The following HCN1 variants were observed in gnomAD, a reference collection of about 807,000 sequenced individuals.
The protein encoded by HCN1 is potassium/sodium hyperpolarization-activated cyclic nucleotide-gated channel 1.
A neutral mutation model predicts 78.9 loss-of-function variants in HCN1; 13 were observed. That is an observed-to-expected ratio of 0.16 (90% CI 0.11 to 0.26). The LOEUF is 0.26. Ranked by LOEUF, HCN1 falls within the 10% of genes least tolerant of loss-of-function variation. HCN1 has a pLI of 1.00. For missense variants in HCN1, 810 were observed against 1,154.3 expected (o/e 0.70, Z 4.32); for synonymous variants, 552 against 455.5 (o/e 1.21, Z -2.70).
chr5:45,343,688 G>T (rs752738408), intron 5 of HCN1, among the ~76,000 whole-genome samples: 1 of 152,002 alleles, frequency 6.6e-6, no homozygotes, highest in African/African-American at 2.4e-5. Context: ...GGGTGCAGGG[G>T]ATATCATTTA....
chr5:45,537,523 CTTTTTTTT>C (rs71000638), intron 2 of HCN1, among the ~76,000 whole-genome samples: 173 of 25,686 alleles, frequency 6.7e-3, no homozygotes, highest in African/African-American at 0.027. Flanking sequence ...AACTCTAAGT[CTTTTTTTT>C]TTTTTTTTTT....
rs1739995193 is a variant in HCN1 at position 45,695,702 on chromosome 5, C to T, written c.392G>A (p.Gly131Asp). The T allele has an allele frequency of 6.2e-7, 1 of 1,612,414 alleles. No individual in the cohort carries two copies. The highest frequency in any genetic ancestry group is 1.3e-5 in the African/African-American group (1 of 74,892). ...EKEQERVKTA[G>D]FWIIHPYSDF... Reference sequence around the variant, plus strand: ...ACTGTAAGGGTGGATAATCCAGAAGCCTGCAGTTTTAACCCTTTCCTGCTC... The same window carrying T: ...ACTGTAAGGGTGGATAATCCAGAAGTCTGCAGTTTTAACCCTTTCCTGCTC... Residue 131 changes from glycine to aspartate, a missense_variant, in exon 1 of 8, where the codon GGC (glycine) becomes GAC (aspartate). By Grantham distance (94) the Gly-to-Asp change is moderately conservative (BLOSUM62 -1). Around this residue, in one of 6 missense-constraint regions of HCN1, gnomAD observed 104 missense variants for 402.8 expected, o/e 0.26. Transcript: ENST00000303230.
intron 4 of HCN1, among the ~76,000 whole-genome samples, chr5:45,353,662 T>A (rs1319332884): frequency 6.6e-6 from 1 of 152,060 alleles, no homozygotes; most frequent in Non-Finnish European, 1.5e-5. Flanking sequence ...ATAGGTTTTA[T>A]CTTAGGCTTT....
At chr5:45,476,584 T>TG (rs1741520296) in intron 2 of HCN1, among the ~76,000 whole-genome samples, 3 of 152,296 alleles carry the variant, frequency 2.0e-5, no homozygotes, top group South Asian at 4.1e-4. Flanking sequence ...AAACCTTCCC[T>TG]GCATGCTTTG....
At chr5:45,437,748 T>A (rs1041600546) in intron 3 of HCN1, among the ~76,000 whole-genome samples, 9 of 152,234 alleles carry the variant, frequency 5.9e-5, no homozygotes, top group African/African-American at 2.2e-4. Flanking sequence ...TATTGCTGTA[T>A]AACAAGTTAC....
At chr5:45,363,984 C>T (rs1175885491) in intron 4 of HCN1, among the ~76,000 whole-genome samples, 1 of 152,058 alleles carries the variant, frequency 6.6e-6, no homozygotes, top group East Asian at 1.9e-4. Context: ...AGTTCTTCCT[C>T]AGTAAATTAC....
At chr5:45,591,230 C>A (rs1413830255) in intron 2 of HCN1, among the ~76,000 whole-genome samples, 1 of 152,126 alleles carries the variant, frequency 6.6e-6, no homozygotes, top group Non-Finnish European at 1.5e-5. Context: ...CTGTTATAAA[C>A]ATTTGTGTGC....
intron 2 of HCN1, among the ~76,000 whole-genome samples, chr5:45,504,926 C>T (rs1392695605): frequency 2.9e-4 from 44 of 152,170 alleles, no homozygotes; most frequent in African/African-American, 2.6e-4. Context: ...TCATATCCTT[C>T]GCCCACTTTT....
rs377282421 is a variant in HCN1, at chr5:45,439,512, C to T, written c.1011+22334G>A. ...AAGTGTAATGAATGATGGGTTAAAA[C>T]GGCAAAGACTGTAAATTAATGTTAT... On this transcript the variant is annotated intron_variant, in intron 3 of 7. Transcript: ENST00000303230. Among the ~76,000 whole-genome samples, 64 of 152,118 alleles carry T rather than the reference C, an allele frequency of 4.2e-4. No individual in the cohort carries two copies. In the East Asian group the frequency reaches 9.5e-3, roughly 22 times the overall value.
chr5:45,547,630 T>C (rs904543460), intron 2 of HCN1, among the ~76,000 whole-genome samples: 4 of 151,954 alleles, frequency 2.6e-5, no homozygotes, highest in South Asian at 2.1e-4. Flanking sequence ...TCAATGTATA[T>C]TAAAATGTAT....
At chr5:45,614,054 A>G (rs1174704853) in intron 2 of HCN1, among the ~76,000 whole-genome samples, 3 of 152,270 alleles carry the variant, frequency 2.0e-5, no homozygotes, top group African/African-American at 7.2e-5. Context: ...ATGATGTACC[A>G]ATGGCTCCCC....
Position 45,319,211 on chromosome 5 carries a change from C to A in HCN1, c.1378-15372G>T, listed in dbSNP as rs568093562. Among the ~76,000 whole-genome samples the A allele has an allele frequency of 3.3e-5, 5 of 152,014 alleles. No homozygotes were observed. The South Asian group carries it at 6.2e-4, about 19-fold the overall frequency. On this transcript the variant is annotated intron_variant, in intron 5 of 7. Transcript: ENST00000303230. ...TGCACTGATTTGGCTTGAGTGTACACCATATATTGGAATTTCTGGGTAATA... is the reference window on the plus strand; with the variant it reads ...TGCACTGATTTGGCTTGAGTGTACAACATATATTGGAATTTCTGGGTAATA...
intron 6 of HCN1, among the ~76,000 whole-genome samples, chr5:45,267,459 GT>G (rs200522015): frequency 8.2e-5 from 12 of 145,918 alleles, no homozygotes; most frequent in Admixed American, 5.4e-4. Flanking sequence ...GTTTTGTTTT[GT>G]TTTAAAAAAA....
chr5:45,292,595 A>C (rs1221844231), intron 6 of HCN1, among the ~76,000 whole-genome samples: 6 of 152,012 alleles, frequency 3.9e-5, no homozygotes, highest in African/African-American at 1.2e-4. Flanking sequence ...TGTTTCATTA[A>C]GTTTAGATTG....
At chr5:45,351,924 TGGC>T (rs760456973) in intron 5 of HCN1, among the ~76,000 whole-genome samples, 38 of 152,286 alleles carry the variant, frequency 2.5e-4, no homozygotes, top group Non-Finnish European at 5.1e-4. Flanking sequence ...TTTACACTGT[TGGC>T]GGGACTGTAA....
chr5:45,305,939 G>C (rs552031774), intron 5 of HCN1, among the ~76,000 whole-genome samples: 1 of 152,038 alleles, frequency 6.6e-6, no homozygotes, highest in Non-Finnish European at 1.5e-5. Flanking sequence ...TTTTCTCGTT[G>C]GGAGATGGTT....
Position 45,549,306 on chromosome 5 carries a change from C to T in HCN1, c.850-87299G>A, listed in dbSNP as rs372919032. 2.6e-5 allele frequency among the ~76,000 whole-genome samples: 4 copies of T among 152,094 alleles called. No individual in the cohort carries two copies. The East Asian group carries it at 7.7e-4, about 29-fold the overall frequency. On this transcript the variant is annotated intron_variant, in intron 2 of 7. Transcript: ENST00000303230. Reference sequence around the variant, plus strand: ...ACTGGTACCAAAACAGAGATATAGACCAATGGAACATAACAGAGCCCTCAG... The same window carrying T: ...ACTGGTACCAAAACAGAGATATAGATCAATGGAACATAACAGAGCCCTCAG...
At chr5:45,263,690 A>T (rs1223272169) in intron 7 of HCN1, among the ~76,000 whole-genome samples, 1 of 152,200 alleles carries the variant, frequency 6.6e-6, no homozygotes, top group Non-Finnish European at 1.5e-5. Context: ...TTCCCTACCA[A>T]TTAAATCTAA....
At chr5:45,315,604 C>T (rs1351452052) in intron 5 of HCN1, among the ~76,000 whole-genome samples, 2 of 152,018 alleles carry the variant, frequency 1.3e-5, no homozygotes, top group Non-Finnish European at 2.9e-5. Context: ...AAAAACCCTT[C>T]AGAAAAACCA....
Sources: allele counts gnomAD v4.1 joint callset (sites outside exome capture counted in the v4.1 genomes callset), GRCh38; gene constraint gnomAD v4.1.1; regional missense constraint gnomAD v4.1.1; transcripts MANE v1.5; gene names NCBI Gene and HGNC (gene_info 2026-07-23, HGNC 2026-07-21).